GRIK1: variants seen among roughly 807,000 people sequenced by gnomAD.
GRIK1 encodes glutamate receptor ionotropic, kainate 1.
A neutral mutation model predicts 105.7 loss-of-function variants in GRIK1; 69 were observed. The ratio of observed to expected loss-of-function variants is 0.65; its 90% confidence interval spans 0.54 to 0.80. The LOEUF (loss-of-function observed/expected upper bound fraction) is 0.80. Among genes scored for constraint, GRIK1 ranks in the 30% least tolerant of loss-of-function variants. The pLI is 0.00. For synonymous variants in GRIK1, 438 were observed against 431.3 expected (o/e 1.02, Z -0.19); for missense variants, 1,109 against 1,167.3 (o/e 0.95, Z 0.73).
chr21:29,882,149 T>C (rs544056125), intron 1 of GRIK1, among the ~76,000 whole-genome samples: 2 of 152,168 alleles, frequency 1.3e-5, no homozygotes, highest in African/African-American at 2.4e-5. Flanking sequence ...ATAACAGGCA[T>C]TTGTTGTCCG....
chr21:29,870,594 A>G (rs1178048155), intron 1 of GRIK1, among the ~76,000 whole-genome samples: 1 of 152,040 alleles, frequency 6.6e-6, no homozygotes, highest in Non-Finnish European at 1.5e-5. Flanking sequence ...CATTGTATAC[A>G]TTTTAAAGCA....
rs575111351 is a variant in GRIK1 at position 29,537,091 on chromosome 21, T to C, written c.*139A>G. ...ATATCTATGTGAGCTTTTTAAACTT[T>C]TGTATTTCTTATATCTGTATTCATA... is the stretch of plus-strand genomic sequence containing the variant. On this transcript the variant is annotated 3_prime_UTR_variant, in exon 18 of 18. Transcript: ENST00000327783. The C allele has an allele frequency of 3.2e-5, 15 of 463,744 alleles. No homozygotes were observed. Among genetic ancestry groups the C allele is most frequent in the Non-Finnish European group, 5.5e-5 (15 of 272,052 alleles). 28.7% of individuals were successfully genotyped at this position (463,744 alleles called of 1,614,324 possible).
At chr21:29,692,354 C>T (rs538937583) in intron 2 of GRIK1, among the ~76,000 whole-genome samples, 133 of 151,700 alleles carry the variant, frequency 8.8e-4, no homozygotes, top group Non-Finnish European at 9.4e-4. Flanking sequence ...TAAGAGAGAG[C>T]GATGAGAGAA....
Position 29,827,652 on chromosome 21 carries a change from G to C in GRIK1, c.118+111731C>G, listed in dbSNP as rs80248786. 6.7e-3 allele frequency among the ~76,000 whole-genome samples: 1,013 copies of C among 152,176 alleles called. 9 individuals carry two copies. The highest frequency in any genetic ancestry group is 0.023 in the African/African-American group (954 of 41,540). The stretch of plus-strand genomic sequence containing the variant: ...TAATGGATCTACCAAATGGTGATTA[G>C]TGAAAGGAGGACATATGAGAAAAAA... On this transcript the variant is annotated intron_variant, in intron 1 of 17. Transcript: ENST00000327783.
intron 7 of GRIK1, among the ~76,000 whole-genome samples, chr21:29,616,190 T>G (rs1384371124): frequency 6.6e-6 from 1 of 152,222 alleles, no homozygotes; most frequent in African/African-American, 2.4e-5. Flanking sequence ...TCTTCTAACA[T>G]GGAACAAAGT....
chr21:29,587,220 C>A, intron 12 of GRIK1, 146 bp downstream of exon 12: 1 of 500,346 alleles, frequency 2.0e-6, no homozygotes, highest in Non-Finnish European at 3.6e-6. Context: ...TACAGAACGG[C>A]TTTTATATGG....
At chr21:29,571,908 T>G (rs2090758985) in intron 14 of GRIK1, among the ~76,000 whole-genome samples, 1 of 152,174 alleles carries the variant, frequency 6.6e-6, no homozygotes, top group Non-Finnish European at 1.5e-5. Context: ...ACAGGACCCA[T>G]CTTAGCAAAT....
At chr21:29,549,545 G>T (rs886446649) in intron 16 of GRIK1, among the ~76,000 whole-genome samples, 1 of 152,058 alleles carries the variant, frequency 6.6e-6, no homozygotes, top group African/African-American at 2.4e-5. Context: ...CAGATTCCTG[G>T]ACTCTTCCTA....
At chr21:29,712,918 T>C (rs183336805) in intron 1 of GRIK1, among the ~76,000 whole-genome samples, 37 of 152,280 alleles carry the variant, frequency 2.4e-4, no homozygotes, top group Admixed American at 2.4e-3. Flanking sequence ...GAAACTTTTT[T>C]TTTTTCTTCC....
intron 1 of GRIK1, among the ~76,000 whole-genome samples, chr21:29,730,137 A>C (rs188308829): frequency 2.0e-5 from 3 of 152,218 alleles, no homozygotes; most frequent in African/African-American, 7.2e-5. Context: ...TTAAATCCCT[A>C]GTTGGCCAGT....
intron 12 of GRIK1, among the ~76,000 whole-genome samples, chr21:29,584,912 A>G (rs1319582960): frequency 6.6e-6 from 1 of 152,140 alleles, no homozygotes; most frequent in Non-Finnish European, 1.5e-5. Context: ...CTAAATATAT[A>G]TTTAGTGGCT....
chr21:29,765,379 A>G lies in GRIK1; in HGVS notation c.119-71316T>C, dbSNP rs1323501898. ...TTTCTTCACTTTGCAATTTCCTTCT[A>G]ATCTTTTTTATTTTTATTTTTCCAC... On this transcript the variant is annotated intron_variant, in intron 1 of 17. Transcript: ENST00000327783. Among the ~76,000 whole-genome samples the G allele has an allele frequency of 2.0e-5, 3 of 152,146 alleles. No individual in the cohort carries two copies. In the East Asian group the frequency reaches 5.8e-4, roughly 29 times the overall value.
chr21:29,804,360 ACCAAAGTG>A (rs1273915316), intron 1 of GRIK1, among the ~76,000 whole-genome samples: 1 of 152,172 alleles, frequency 6.6e-6, no homozygotes, highest in African/African-American at 2.4e-5. Flanking sequence ...AAATGCTTGC[ACCAAAGTG>A]CTTCCTAAGA....
At chr21:29,913,129 C>G (rs1011601101) in intron 1 of GRIK1, among the ~76,000 whole-genome samples, 58 of 152,176 alleles carry the variant, frequency 3.8e-4, no homozygotes, top group Middle Eastern at 3.4e-3. Context: ...CAGTCCAAAG[C>G]ACCTGTGTTG....
At chr21:29,911,902 G>A (rs532001707) in intron 1 of GRIK1, among the ~76,000 whole-genome samples, 2 of 152,090 alleles carry the variant, frequency 1.3e-5, no homozygotes, top group Admixed American at 1.3e-4. Context: ...ATTTGTTATG[G>A]CAGCTCAAAT....
chr21:29,693,783 G>A, intron 2 of GRIK1, 113 bp downstream of exon 2: 1 of 743,240 alleles, frequency 1.3e-6, no homozygotes, highest in Non-Finnish European at 2.3e-6. Context: ...GATTTCCCGC[G>A]ACCCATTTGC....
In GRIK1 at chr21:29,598,859, T is replaced by C. The variant is rs758195299; in HGVS notation, c.1177A>G (p.Ile393Val). Residue 393 changes from isoleucine (I) to valine (V), a missense_variant, in exon 8 of 18, where the codon ATT becomes GTT. By Grantham distance (29) the Ile-to-Val change is conservative. Around this residue, in one of 5 missense-constraint regions of GRIK1, gnomAD observed 612 missense variants for 586.0 expected, o/e 1.04. Transcript: ENST00000327783. Reference protein sequence around the residue: ...GLRKDFDLDIISLKEEGTEKA... With the variant: ...GLRKDFDLDIVSLKEEGTEKA... ...TCAGTTCCTTCCTCTTTGAGACTAA[T>C]AATGTCCAGATCAAAATCCTTCCTC... The C allele has an allele frequency of 1.9e-6, 3 of 1,556,278 alleles. No homozygotes were observed. The highest frequency in any genetic ancestry group is 4.5e-5 in the East Asian group (2 of 44,308).
At chr21:29,686,267 G>C (rs1358946973) in intron 3 of GRIK1, among the ~76,000 whole-genome samples, 3 of 152,318 alleles carry the variant, frequency 2.0e-5, no homozygotes, top group African/African-American at 7.2e-5. Context: ...TGATTGTTAT[G>C]ATGGGTGAGG....
chr21:29,824,404 A>T (rs1321563527), intron 1 of GRIK1, among the ~76,000 whole-genome samples: 2 of 152,004 alleles, frequency 1.3e-5, no homozygotes, highest in Admixed American at 6.6e-5. Context: ...TGAAGCTTAC[A>T]TTTCACTAGG....
Sources: gnomAD v4.1 joint callset for allele counts (sites outside exome capture counted in the v4.1 genomes callset) on GRCh38, gnomAD v4.1.1 for gene constraint, gnomAD v4.1.1 regional missense constraint, MANE v1.5 for transcripts, NCBI Gene and HGNC (gene_info 2026-07-23, HGNC 2026-07-21) for gene names.